PARD3B: variants seen among roughly 807,000 people sequenced by gnomAD.
PARD3B encodes par-3 family cell polarity regulator beta.
A neutral mutation model predicts 130.2 loss-of-function variants in PARD3B; 103 were observed. That is an observed-to-expected ratio of 0.79 (90% CI 0.67 to 0.93). PARD3B has a LOEUF of 0.93. Ranked by LOEUF, PARD3B falls within the 40% of genes least tolerant of loss-of-function variation. PARD3B has a pLI of 0.00. For synonymous variants in PARD3B, 583 were observed against 553.2 expected (o/e 1.05, Z -0.76); for missense variants, 1,609 against 1,499.2 (o/e 1.07, Z -1.21).
In PARD3B at chr2:205,581,267, G is replaced by T. The variant is rs199624489; in HGVS notation, c.3260+27864G>T. Among the ~76,000 whole-genome samples the T allele has an allele frequency of 2.3e-4, 25 of 109,694 alleles. No individual in the cohort carries two copies. In the East Asian group the frequency reaches 3.4e-3, roughly 15 times the overall value. 72.0% of individuals were successfully genotyped at this position (109,694 alleles called of 152,430 possible). A position where few individuals can be genotyped will look rare whatever the true frequency, so the allele number is the denominator to read the frequency against. On this transcript the variant is annotated intron_variant, in intron 22 of 22. Coordinates refer to ENST00000406610, the MANE Select transcript of PARD3B (RefSeq NM_001302769.2). ...ATATATATAGATATATATAGATATA[G>T]ATAGATAGATATAGATATATAGATA...
At chr2:205,535,262 C>T (rs1035269754) in intron 21 of PARD3B, among the ~76,000 whole-genome samples, 6 of 152,160 alleles carry the variant, frequency 3.9e-5, no homozygotes, top group South Asian at 2.1e-4. Flanking sequence ...ACACACACTC[C>T]GTCCTTGTGC....
intron 1 of PARD3B, among the ~76,000 whole-genome samples, chr2:204,594,066 C>G (rs922676551): frequency 6.6e-6 from 1 of 152,152 alleles, no homozygotes; most frequent in African/African-American, 2.4e-5. Flanking sequence ...AAGTCCAGAA[C>G]TGAATAAATG....
In PARD3B at chr2:204,545,938, G is replaced by T; in HGVS notation, c.-62G>T. 6.8e-7 allele frequency: 1 copy of T among 1,465,060 alleles called. No homozygotes were observed. Among genetic ancestry groups the T allele is most frequent in the Non-Finnish European group, 9.0e-7 (1 of 1,110,008 alleles). 90.8% of individuals were successfully genotyped at this position (1,465,060 alleles called of 1,614,324 possible). On this transcript the variant is annotated 5_prime_UTR_variant, in exon 1 of 23. Transcript: ENST00000406610. ...GCCCCGGGCGTCCTCCGAGAGTGGGGGCTGCGCCCGCGGGGTCAGACACCT... is the reference window on the plus strand; with the variant it reads ...GCCCCGGGCGTCCTCCGAGAGTGGGTGCTGCGCCCGCGGGGTCAGACACCT...
chr2:205,339,109 G>T (rs748260911), intron 18 of PARD3B, among the ~76,000 whole-genome samples: 24 of 152,202 alleles, frequency 1.6e-4, no homozygotes, highest in Middle Eastern at 3.4e-3. Context: ...AATCAAACTT[G>T]AAGCATCTCT....
chr2:204,709,930 A>C (rs2038354315), intron 2 of PARD3B, among the ~76,000 whole-genome samples: 1 of 152,348 alleles, frequency 6.6e-6, no homozygotes, highest in East Asian at 1.9e-4. Context: ...CATTTTTAAA[A>C]GTTTTGTCTA....
intron 5 of PARD3B, among the ~76,000 whole-genome samples, chr2:205,112,261 T>A (rs1559449744): frequency 6.6e-6 from 1 of 152,188 alleles, no homozygotes; most frequent in East Asian, 1.9e-4. Flanking sequence ...ACTGATGTGC[T>A]CCTTTTTGCA....
chr2:205,030,348 C>G (rs1294862987), intron 3 of PARD3B, among the ~76,000 whole-genome samples: 1 of 152,138 alleles, frequency 6.6e-6, no homozygotes, highest in Non-Finnish European at 1.5e-5. Flanking sequence ...CAAAAAGAAT[C>G]AAGTTGTGTA....
At chr2:204,791,079 A>G (rs912706332) in intron 2 of PARD3B, among the ~76,000 whole-genome samples, 2 of 151,798 alleles carry the variant, frequency 1.3e-5, no homozygotes, top group African/African-American at 4.8e-5. Context: ...CCCTCCAGCC[A>G]AGGTAGCAGA....
intron 1 of PARD3B, among the ~76,000 whole-genome samples, chr2:204,681,726 C>G (rs1325812416): frequency 1.3e-5 from 2 of 152,160 alleles, no homozygotes; most frequent in Non-Finnish European, 2.9e-5. Context: ...CCCAAACAGT[C>G]TGCAGACATG....
intron 1 of PARD3B, among the ~76,000 whole-genome samples, chr2:204,683,002 A>G (rs1394136496): frequency 6.6e-6 from 1 of 152,232 alleles, no homozygotes; most frequent in East Asian, 1.9e-4. Flanking sequence ...ATCATTAAAA[A>G]TAACTCTTCT....
At chr2:205,474,046 G>A (rs1003069262) in intron 20 of PARD3B, among the ~76,000 whole-genome samples, 1 of 151,930 alleles carries the variant, frequency 6.6e-6, no homozygotes, top group Non-Finnish European at 1.5e-5. Context: ...AGGGAAGATA[G>A]AGATGCTGAA....
Position 204,606,374 on chromosome 2 carries a change from C to T in PARD3B, c.120+60255C>T, listed in dbSNP as rs1000798525. Among the ~76,000 whole-genome samples the T allele has an allele frequency of 6.6e-6, 1 of 152,066 alleles. No homozygotes were observed. Among genetic ancestry groups the T allele is most frequent in the African/African-American group, 2.4e-5 (1 of 41,408 alleles). On this transcript the variant is annotated intron_variant, in intron 1 of 22. Coordinates refer to ENST00000406610, the MANE Select transcript of PARD3B (RefSeq NM_001302769.2). This position sits in a 1 kb window ranked among gnomAD's most constrained non-coding sequence, Gnocchi z 4.0. ...TTAGTTTCTCAGTCATGCTTTTGTC[C>T]ATGGTGAGTCAATAAGGGGATCTGT...
chr2:204,766,486 A>AT (rs1252173171), intron 2 of PARD3B, among the ~76,000 whole-genome samples: 1 of 152,000 alleles, frequency 6.6e-6, no homozygotes, highest in Non-Finnish European at 1.5e-5. Flanking sequence ...GTTCCTTTAT[A>AT]TTTTTTTCTA....
intron 3 of PARD3B, among the ~76,000 whole-genome samples, chr2:205,026,537 G>C (rs2125348232): frequency 6.6e-6 from 1 of 152,120 alleles, no homozygotes; most frequent in South Asian, 2.1e-4. Flanking sequence ...TGTCTATATG[G>C]TGAGGGCACT....
chr2:205,221,143 A>G (rs1238461498), intron 15 of PARD3B, among the ~76,000 whole-genome samples: 1 of 152,210 alleles, frequency 6.6e-6, no homozygotes, highest in African/African-American at 2.4e-5. Context: ...GCAGAGTCCC[A>G]CAGATTAGTC....
chr2:205,581,929 G>A (rs1165740684), intron 22 of PARD3B, among the ~76,000 whole-genome samples: 1 of 152,134 alleles, frequency 6.6e-6, no homozygotes, highest in Non-Finnish European at 1.5e-5. Flanking sequence ...CAGCAGCTTG[G>A]TTCCCTTGGT....
intron 1 of PARD3B, among the ~76,000 whole-genome samples, chr2:204,607,506 A>G (rs998143687): frequency 6.6e-6 from 1 of 152,192 alleles, no homozygotes; most frequent in African/African-American, 2.4e-5. Flanking sequence ...AGTTGCCAAC[A>G]TTACATGGTT....
At chr2:205,443,035 A>G (rs2047778091) in intron 20 of PARD3B, among the ~76,000 whole-genome samples, 1 of 152,202 alleles carries the variant, frequency 6.6e-6, no homozygotes, top group African/African-American at 2.4e-5. Context: ...ATCTTTAATT[A>G]TGCTTAAAGA....
At chr2:204,866,596 G>A (rs1454974779) in intron 2 of PARD3B, among the ~76,000 whole-genome samples, 1 of 151,858 alleles carries the variant, frequency 6.6e-6, no homozygotes, top group South Asian at 2.1e-4. Context: ...ACAGTCAAAA[G>A]CAGTCATTAA....
Sources: allele counts gnomAD v4.1 joint callset (sites outside exome capture counted in the v4.1 genomes callset), GRCh38; gene constraint gnomAD v4.1.1; non-coding constraint Gnocchi (gnomAD v3.1); transcripts MANE v1.5; gene names NCBI Gene and HGNC (gene_info 2026-07-23, HGNC 2026-07-21).